The following STOM variants were observed in gnomAD, a reference collection of about 807,000 sequenced individuals.
STOM encodes erythrocyte band 7 integral membrane protein.
In STOM, 25 loss-of-function variants were observed where a neutral mutation model predicts 30.6. That is an observed-to-expected ratio of 0.82 (90% CI 0.60 to 1.14). The LOEUF (loss-of-function observed/expected upper bound fraction) is 1.14, where lower values mean the gene tolerates loss of function less well. Among genes scored for constraint, STOM ranks in the 50% most tolerant of loss-of-function variants. The probability of loss-of-function intolerance (pLI) is 0.00; values close to 1 mark genes in which losing one functional copy is unlikely to be tolerated. For synonymous variants in STOM, 118 were observed against 130.8 expected (o/e 0.90, Z 0.67); for missense variants, 292 against 365.2 (o/e 0.80, Z 1.63).
intron 4 of STOM, among the ~76,000 whole-genome samples, chr9:121,349,902 CTGAG>C (rs2064323866): frequency 6.6e-6 from 1 of 152,220 alleles, no homozygotes. Flanking sequence ...AAGAAGTTAT[CTGAG>C]TGAGAGGCTC....
At chr9:121,370,007 G>C in intron 1 of STOM, 120 bp downstream of exon 1, 1 of 934,874 alleles carries the variant, frequency 1.1e-6, no homozygotes, top group Non-Finnish European at 1.6e-6. Context: ...CCGCGGCTTT[G>C]AGATCTCGCC....
At chr9:121,348,988 A>G in intron 5 of STOM, 132 bp downstream of exon 5, 1 of 1,063,886 alleles carries the variant, frequency 9.4e-7, no homozygotes, top group Non-Finnish European at 1.3e-6. Context: ...AATTTGAAAA[A>G]TTTTACTATG....
At position 121,370,176 on chromosome 9, in the gene STOM, C is replaced by G; in HGVS notation, c.12G>C (p.Lys4Asn). 6.5e-7 allele frequency: 1 copy of G among 1,548,290 alleles called. No homozygotes were observed. The highest frequency in any genetic ancestry group is 8.7e-7 in the Non-Finnish European group (1 of 1,146,482). MAEKRHTRDSEAQR... is the reference protein window; with the variant it reads MAENRHTRDSEAQR... ...GGGCTTCGGAGTCCCGTGTGTGCCGCTTCTCGGCCATGCTGCCCGAGACGC... is the reference window on the plus strand; with the variant it reads ...GGGCTTCGGAGTCCCGTGTGTGCCGGTTCTCGGCCATGCTGCCCGAGACGC... The change falls in exon 1 of 7, where the codon AAG (lysine) becomes AAC (asparagine). Residue 4 changes from lysine (K) to asparagine (N), a missense_variant. Transcript: ENST00000286713.
intron 1 of STOM, among the ~76,000 whole-genome samples, chr9:121,362,063 C>T (rs1013175502): frequency 3.3e-5 from 5 of 152,054 alleles, no homozygotes; most frequent in Non-Finnish European, 5.9e-5. Flanking sequence ...ACCAAAATGG[C>T]AGTAGAATAA....
In STOM at chr9:121,370,228, A is replaced by T; in HGVS notation, c.-41T>A. ...GTCGCACTCCCCCGTCCTCGTTGCC[A>T]AACCCGGAGCCGCCGGGAATGCCCT... On this transcript the variant is annotated 5_prime_UTR_variant, in exon 1 of 7. Coordinates refer to ENST00000286713, the MANE Select transcript of STOM (RefSeq NM_004099.6). 6.5e-7 allele frequency: 1 copy of T among 1,533,888 alleles called. No individual in the cohort carries two copies. Among genetic ancestry groups the T allele is most frequent in the South Asian group, 1.2e-5 (1 of 83,550 alleles).
At chr9:121,359,183 T>C (rs1262534140) in intron 1 of STOM, among the ~76,000 whole-genome samples, 1 of 152,062 alleles carries the variant, frequency 6.6e-6, no homozygotes, top group Non-Finnish European at 1.5e-5. Flanking sequence ...AAGGGCAAAA[T>C]GGCAGTAAGA....
In STOM at chr9:121,339,603, A is replaced by G; in HGVS notation, c.*1599T>C. The G allele has an allele frequency of 8.1e-7, 1 of 1,231,666 alleles. No homozygotes were observed. Among genetic ancestry groups the G allele is most frequent in the Non-Finnish European group, 1.0e-6 (1 of 987,930 alleles). 76.3% of individuals were successfully genotyped at this position (1,231,666 alleles called of 1,614,324 possible). On this transcript the variant is annotated 3_prime_UTR_variant, in exon 7 of 7. Transcript: ENST00000286713. Reference sequence around the variant, plus strand: ...GCTGGGAAAGAAAGCTGTTATGCTTAGACTTCTCTAGGTGAACTCAGAGTC... The same window carrying G: ...GCTGGGAAAGAAAGCTGTTATGCTTGGACTTCTCTAGGTGAACTCAGAGTC...
intron 3 of STOM, among the ~76,000 whole-genome samples, chr9:121,353,967 T>C (rs2064362669): frequency 6.6e-6 from 1 of 152,222 alleles, no homozygotes; most frequent in Non-Finnish European, 1.5e-5. Context: ...TGTGAGTACT[T>C]GATCATAATA....
chr9:121,361,288 G>T (rs1157054265), intron 1 of STOM, among the ~76,000 whole-genome samples: 1 of 149,522 alleles, frequency 6.7e-6, no homozygotes. Flanking sequence ...TTTCCTTCAA[G>T]TTTCCCATGT....
Position 121,339,607 on chromosome 9 carries a change from T to C in STOM, c.*1595A>G, listed in dbSNP as rs2064228477. 1 of 1,231,638 alleles carries C rather than the reference T, an allele frequency of 8.1e-7. No homozygotes were observed. The highest frequency in any genetic ancestry group is 3.2e-5 in the East Asian group (1 of 31,706). 76.3% of individuals were successfully genotyped at this position (1,231,638 alleles called of 1,614,324 possible). On this transcript the variant is annotated 3_prime_UTR_variant, in exon 7 of 7. Transcript: ENST00000286713. ...GGAAAGAAAGCTGTTATGCTTAGAC[T>C]TCTCTAGGTGAACTCAGAGTCTCAA...
intron 3 of STOM, 104 bp downstream of exon 3, chr9:121,354,497 G>T: frequency 1.2e-6 from 1 of 865,196 alleles, no homozygotes; most frequent in Non-Finnish European, 1.8e-6. Flanking sequence ...TCCAGCCTGG[G>T]CGACGGAATG....
chr9:121,341,524 GC>G, intron 6 of STOM, 116 bp from the exon 7 acceptor site: 1 of 1,326,040 alleles, frequency 7.5e-7, no homozygotes, highest in Non-Finnish European at 1.0e-6. Flanking sequence ...TAGGGCGTAT[GC>G]CAGAGTAGTT....
rs763192503 is a variant in STOM, at chr9:121,348,103, C to G, written c.572G>C (p.Arg191Pro). 1.2e-5 allele frequency: 20 copies of G among 1,614,088 alleles called. No individual in the cohort carries two copies. The highest frequency in any genetic ancestry group is 1.5e-5 in the Non-Finnish European group (18 of 1,180,024). The change falls in exon 6 of 7, where the codon CGT (arginine) becomes CCT (proline). Residue 191 changes from arginine (R) to proline (P), a missense_variant. Physicochemically the swap from Arg to Pro is moderately radical, Grantham distance 103. Transcript: ENST00000286713. ...TAGTTTCACATCCTTAATTTCCACA[C>G]GCTCCACCTTTATTCCCCAGGCATC... is the stretch of plus-strand genomic sequence containing the variant. ...ATDAWGIKVE[R>P]VEIKDVKLPV...
At position 121,340,752 on chromosome 9, in the gene STOM, GAAA is replaced by G. The variant is rs57454919; in HGVS notation, c.*447_*449del. ...GCAACAAGAGTGAAACTCCATCTCA[GAAA>G]AAAAAAAAAAAAGACTCTCTGGAGG... On this transcript the variant is annotated 3_prime_UTR_variant, in exon 7 of 7. Coordinates refer to ENST00000286713, the MANE Select transcript of STOM (RefSeq NM_004099.6). 25 of 894,234 alleles carry G rather than the reference GAAA, an allele frequency of 2.8e-5. No individual in the cohort carries two copies. Among genetic ancestry groups the G allele is most frequent in the Admixed American group, 6.9e-5 (1 of 14,506 alleles). The allele number at this position is 894,234 out of a possible 1,614,324, so 55.4% of individuals were successfully genotyped here.
At chr9:121,359,751 A>G (rs1318554188) in intron 1 of STOM, among the ~76,000 whole-genome samples, 1 of 152,194 alleles carries the variant, frequency 6.6e-6, no homozygotes, top group Admixed American at 6.5e-5. Flanking sequence ...ATCTTACTCC[A>G]AAGCCCGTGT....
At chr9:121,365,308 C>G (rs2064492248) in intron 1 of STOM, among the ~76,000 whole-genome samples, 2 of 151,896 alleles carry the variant, frequency 1.3e-5, no homozygotes, top group African/African-American at 4.8e-5. Flanking sequence ...TTAGAGAATT[C>G]AGGAAAGCAG....
In STOM at chr9:121,370,223, T is replaced by C. The variant is rs761009330; in HGVS notation, c.-36A>G. On this transcript the variant is annotated 5_prime_UTR_variant, in exon 1 of 7. Coordinates refer to ENST00000286713, the MANE Select transcript of STOM (RefSeq NM_004099.6). ...ACGCAGTCGCACTCCCCCGTCCTCGTTGCCAAACCCGGAGCCGCCGGGAAT... is the reference window on the plus strand; with the variant it reads ...ACGCAGTCGCACTCCCCCGTCCTCGCTGCCAAACCCGGAGCCGCCGGGAAT... The C allele has an allele frequency of 1.2e-5, 18 of 1,536,368 alleles. No individual in the cohort carries two copies. The South Asian group carries it at 1.4e-4, about 12-fold the overall frequency.
chr9:121,355,992 G>T (rs546382490), intron 2 of STOM, 61 bp downstream of exon 2: 8 of 1,288,036 alleles, frequency 6.2e-6, no homozygotes, highest in Non-Finnish European at 7.8e-6. Context: ...AGGCACACAC[G>T]AAGTAGGTTT....
At chr9:121,346,502 C>T (rs2064291151) in intron 6 of STOM, among the ~76,000 whole-genome samples, 1 of 152,154 alleles carries the variant, frequency 6.6e-6, no homozygotes, top group African/African-American at 2.4e-5. Context: ...CTCTGACATT[C>T]TACGTAGTAT....
Sources: gnomAD v4.1 joint callset for allele counts (sites outside exome capture counted in the v4.1 genomes callset) on GRCh38, gnomAD v4.1.1 for gene constraint, MANE v1.5 for transcripts, NCBI Gene and HGNC (gene_info 2026-07-23, HGNC 2026-07-21) for gene names.